PRPF3: variants seen among roughly 807,000 people sequenced by gnomAD.
The protein encoded by PRPF3 is pre-mRNA processing factor 3.
Under a neutral mutation model 89.2 loss-of-function variants are expected in PRPF3, and 3 were observed. The observed-to-expected ratio is 0.03, with a 90% CI of 0.02 to 0.09. PRPF3 has a LOEUF of 0.09. Among genes scored for constraint, PRPF3 ranks in the 10% least tolerant of loss-of-function variants. PRPF3 has a pLI of 1.00. For synonymous variants in PRPF3, 270 were observed against 289.1 expected, an observed-to-expected ratio of 0.93 and a Z score of 0.67; for missense variants, 463 against 828.8, an observed-to-expected ratio of 0.56 and a Z score of 5.42.
intron 15 of PRPF3, among the ~76,000 whole-genome samples, chr1:150,349,875 CT>C (rs1658720344): frequency 2.5e-5 from 1 of 39,688 alleles, no homozygotes; most frequent in Non-Finnish European, 5.9e-5. Flanking sequence ...ACATGTATAT[CT>C]TTTTTTGGGG....
Position 150,343,442 on chromosome 1 carries a change from A to T in PRPF3, c.1416A>T (p.Pro472=). 1 of 1,613,774 alleles carries T rather than the reference A, an allele frequency of 6.2e-7. No individual in the cohort carries two copies. Among genetic ancestry groups the T allele is most frequent in the Non-Finnish European group, 8.5e-7 (1 of 1,179,762 alleles). The change falls in exon 10 of 16, where the codon CCA becomes CCT. Residue 472 remains proline, a synonymous_variant. Transcript: ENST00000324862. Reference sequence around the variant, plus strand: ...TCAGGCTGGGCCTGATGCCTCCTCCAGAACCCAAAGGTGCATTTCTCAGTG... The same window carrying T: ...TCAGGCTGGGCCTGATGCCTCCTCCTGAACCCAAAGGTGCATTTCTCAGTG... ...EKVRLGLMPP[P]EPKVRISNLM...
chr1:150,344,628 C>A, intron 12 of PRPF3, 81 bp downstream of exon 12: 2 of 1,446,718 alleles, frequency 1.4e-6, no homozygotes, highest in African/African-American at 1.4e-5. Context: ...TCATTGTGGC[C>A]TAAAAGCATA....
chr1:150,346,633 C>G, intron 14 of PRPF3, 142 bp downstream of exon 14: 1 of 814,544 alleles, frequency 1.2e-6, no homozygotes, highest in South Asian at 1.5e-5. Flanking sequence ...CCCGTTTAGA[C>G]TTTGAGCCTC....
intron 8 of PRPF3, among the ~76,000 whole-genome samples, chr1:150,339,787 A>G (rs1657495634): frequency 7.0e-6 from 1 of 141,888 alleles, no homozygotes; most frequent in African/African-American, 2.7e-5. Context: ...TCTGTTGCAC[A>G]ATCTCGGCTC....
intron 8 of PRPF3, 142 bp downstream of exon 8, chr1:150,338,468 G>T: frequency 1.3e-6 from 1 of 774,846 alleles, no homozygotes; most frequent in Non-Finnish European, 2.1e-6. Flanking sequence ...AAATCCAAGA[G>T]AGATAAGTAA....
At chr1:150,334,483 C>T (rs11586847) in intron 6 of PRPF3, among the ~76,000 whole-genome samples, 3 of 151,666 alleles carry the variant, frequency 2.0e-5, no homozygotes, top group South Asian at 2.1e-4. Flanking sequence ...TACAAGTGCC[C>T]GTCTAAATTT....
Position 150,346,556 on chromosome 1 carries a change from G to A in PRPF3, c.1843+65G>A, listed in dbSNP as rs371233037. On this transcript the variant is annotated intron_variant, in intron 14 of 15. Transcript: ENST00000324862. The stretch of plus-strand genomic sequence containing the variant: ...GGAGGTGGGGATGGTGCATCTGTCC[G>A]TTCATCTTATTTCCTCCCTGTGACA... 4.3e-5 allele frequency: 63 copies of A among 1,465,542 alleles called. 1 individual carries two copies. The highest frequency in any genetic ancestry group is 2.7e-4 in the East Asian group (12 of 44,096). 90.8% of individuals were successfully genotyped at this position (1,465,542 alleles called of 1,614,324 possible).
At chr1:150,330,012 G>C (rs1656160589) in intron 4 of PRPF3, 1 of 151,984 alleles carries the variant, frequency 6.6e-6, no homozygotes, top group Non-Finnish European at 1.5e-5. Context: ...TGCCTACCTT[G>C]GCCTCCCAAA....
intron 14 of PRPF3, 53 bp downstream of exon 14, chr1:150,346,544 G>T (rs781952615): frequency 7.8e-5 from 118 of 1,508,580 alleles, no homozygotes; most frequent in Non-Finnish European, 1.1e-4. Context: ...GGTGGGGATG[G>T]TGCATCTGTC....
chr1:150,322,325 A>G (rs180819204), intron 1 of PRPF3, among the ~76,000 whole-genome samples: 1 of 152,314 alleles, frequency 6.6e-6, no homozygotes, highest in African/African-American at 2.4e-5. Context: ...ATAAATATTT[A>G]TTGAATGAAT....
At position 150,324,567 on chromosome 1, in the gene PRPF3, TG is replaced by T. The variant is rs1262128695; in HGVS notation, c.-48-327del. 2.4e-3 allele frequency among the ~76,000 whole-genome samples: 25 copies of T among 10,370 alleles called. 1 individual carries two copies. Among genetic ancestry groups the T allele is most frequent in the South Asian group, 0.05 (2 of 40 alleles). The allele number at this position is 10,370 out of a possible 152,430, so 6.8% of individuals were successfully genotyped here. A position where few individuals can be genotyped will look rare whatever the true frequency, so the allele number is the denominator to read the frequency against. ...GGATCACTTTAGTCTTTTTTTTTTT[TG>T]TAGAGAGAGTCTTGCTTTGTCGCCC... On this transcript the variant is annotated intron_variant, in intron 1 of 15. Coordinates refer to ENST00000324862, the MANE Select transcript of PRPF3 (RefSeq NM_004698.4).
chr1:150,342,121 C>T (rs587622726), intron 9 of PRPF3, among the ~76,000 whole-genome samples: 4 of 152,008 alleles, frequency 2.6e-5, no homozygotes, highest in Non-Finnish European at 5.9e-5. Context: ...GTGGCTCATG[C>T]CTGTAATCCC....
At chr1:150,326,874 G>T (rs1216753241) in intron 3 of PRPF3, among the ~76,000 whole-genome samples, 1 of 152,034 alleles carries the variant, frequency 6.6e-6, no homozygotes, top group Non-Finnish European at 1.5e-5. Context: ...ATTTAGAAGA[G>T]GCAGGGGTAT....
chr1:150,340,514 G>T, intron 9 of PRPF3, 37 bp downstream of exon 9: 2 of 1,481,512 alleles, frequency 1.3e-6, no homozygotes, highest in Non-Finnish European at 1.9e-6. Context: ...CTCTAGAGCA[G>T]CATTACCCAT....
At chr1:150,352,596 C>T (rs1208761093) in intron 15 of PRPF3, among the ~76,000 whole-genome samples, 5 of 152,082 alleles carry the variant, frequency 3.3e-5, no homozygotes, top group South Asian at 4.2e-4. Flanking sequence ...ACCCGGGAGG[C>T]GGAGCTTGCA....
chr1:150,325,213 T>C, intron 2 of PRPF3, 126 bp downstream of exon 2: 1 of 1,057,632 alleles, frequency 9.5e-7, no homozygotes, highest in South Asian at 1.6e-5. Flanking sequence ...TATTTTCACC[T>C]GTATTATAGT....
chr1:150,339,699 A>G (rs587766501), intron 8 of PRPF3, among the ~76,000 whole-genome samples: 2 of 148,888 alleles, frequency 1.3e-5, no homozygotes, highest in East Asian at 3.9e-4. Context: ...CAGCCTCCCA[A>G]AGGGCTGGGA....
chr1:150,332,749 T>A lies in PRPF3; in HGVS notation c.489T>A (p.Ile163=), dbSNP rs782668429. 6.2e-7 allele frequency: 1 copy of A among 1,614,094 alleles called. No individual in the cohort carries two copies. Among genetic ancestry groups the A allele is most frequent in the Non-Finnish European group, 8.5e-7 (1 of 1,179,998 alleles). The part of the protein sequence containing the change: ...IEERKKQLSF[I]SPPTPQPKTP... The stretch of plus-strand genomic sequence containing the variant: ...AGAGGAAAAAACAGCTGAGCTTCAT[T>A]AGCCCCCCTACACCTCAGGTATTGT... The change falls in exon 5 of 16, where the codon ATT becomes ATA. Residue 163 remains isoleucine (I), a synonymous_variant. Coordinates refer to ENST00000324862, the MANE Select transcript of PRPF3 (RefSeq NM_004698.4).
Position 150,332,975 on chromosome 1 carries a change from A to G in PRPF3, c.508-4A>G. The G allele has an allele frequency of 6.2e-7, 1 of 1,611,474 alleles. No individual in the cohort carries two copies. The highest frequency in any genetic ancestry group is 1.7e-5 in the Admixed American group (1 of 60,002). The stretch of plus-strand genomic sequence containing the variant: ...CCTCTGATTTCTTTTTCTCTATCTC[A>G]CAGCCAAAGACTCCTTCTTCCTCCC... On this transcript the variant is annotated splice_polypyrimidine_tract_variant and splice_region_variant and intron_variant, in intron 5 of 15. Coordinates refer to ENST00000324862, the MANE Select transcript of PRPF3 (RefSeq NM_004698.4).
Sources: allele counts gnomAD v4.1 joint callset (sites outside exome capture counted in the v4.1 genomes callset), GRCh38; gene constraint gnomAD v4.1.1; transcripts MANE v1.5; gene names NCBI Gene and HGNC (gene_info 2026-07-23, HGNC 2026-07-21).